The following DNER variants were observed in gnomAD, a reference collection of about 807,000 sequenced individuals.
The protein encoded by DNER is delta and Notch-like epidermal growth factor-related receptor.
DNER carries 33 observed loss-of-function variants against 78.2 expected under a neutral mutation model. The ratio of observed to expected loss-of-function variants is 0.42; its 90% CI spans 0.32 to 0.56. DNER has a LOEUF of 0.56. DNER is among the 20% of genes least tolerant of loss of function. The pLI, the probability that DNER is intolerant of heterozygous loss-of-function variation, is 0.11. For synonymous variants in DNER, 417 were observed against 384.8 expected (o/e 1.08, Z -0.98); for missense variants, 918 against 975.3 (o/e 0.94, Z 0.78).
chr2:229,438,255 C>A (rs1559351809), intron 8 of DNER, among the ~76,000 whole-genome samples: 1 of 152,204 alleles, frequency 6.6e-6, no homozygotes, highest in East Asian at 1.9e-4. Flanking sequence ...ATCCATTGAA[C>A]TATAATGAAG....
intron 11 of DNER, among the ~76,000 whole-genome samples, chr2:229,367,375 T>C (rs10184832): frequency 0.39 from 58,892 of 151,690 alleles, 12,282 homozygotes; most frequent in Non-Finnish European, 0.45. Context: ...CTGAGGCAGG[T>C]GGATCACTTG....
At chr2:229,416,592 C>A (rs1257215454) in intron 9 of DNER, among the ~76,000 whole-genome samples, 2 of 152,170 alleles carry the variant, frequency 1.3e-5, no homozygotes, top group African/African-American at 4.8e-5. Flanking sequence ...GATCAGTACA[C>A]CCCTCTGCCT....
At chr2:229,506,694 G>A (rs1462612224) in intron 6 of DNER, among the ~76,000 whole-genome samples, 8 of 78,962 alleles carry the variant, frequency 1.0e-4, no homozygotes, top group African/African-American at 3.6e-4. Context: ...CACAGGCCCC[G>A]GTGTGTGATG....
chr2:229,450,018 G>A (rs1328652822), intron 7 of DNER, among the ~76,000 whole-genome samples: 1 of 152,210 alleles, frequency 6.6e-6, no homozygotes, highest in African/African-American at 2.4e-5. Flanking sequence ...CTGACCTCGT[G>A]ATCAACCTGC....
intron 9 of DNER, among the ~76,000 whole-genome samples, chr2:229,413,078 C>T (rs1310498102): frequency 1.3e-5 from 2 of 151,832 alleles, no homozygotes; most frequent in East Asian, 3.9e-4. Flanking sequence ...TTTTCTTTAG[C>T]AGCCCAGTTT....
chr2:229,522,125 T>C (rs1179109265), intron 5 of DNER, among the ~76,000 whole-genome samples: 1 of 152,170 alleles, frequency 6.6e-6, no homozygotes, highest in African/African-American at 2.4e-5. Context: ...GCTTAAATGA[T>C]AAATTTTAAA....
intron 7 of DNER, among the ~76,000 whole-genome samples, chr2:229,460,513 G>T (rs1333241553): frequency 3.3e-5 from 5 of 151,892 alleles, no homozygotes; most frequent in Non-Finnish European, 5.9e-5. Flanking sequence ...ATATTTTCAG[G>T]AGAACTTTTT....
chr2:229,370,903 T>C (rs1692466316), intron 11 of DNER, among the ~76,000 whole-genome samples: 1 of 152,176 alleles, frequency 6.6e-6, no homozygotes, highest in African/African-American at 2.4e-5. Context: ...ACACAGTGAG[T>C]GCACAACCAC....
intron 1 of DNER, among the ~76,000 whole-genome samples, chr2:229,621,837 G>A (rs554056272): frequency 3.6e-4 from 55 of 152,316 alleles, no homozygotes; most frequent in African/African-American, 1.3e-3. Context: ...TGTAATCCCA[G>A]CACTTTGGGA....
At chr2:229,413,312 T>C (rs1465040358) in intron 9 of DNER, among the ~76,000 whole-genome samples, 8 of 113,014 alleles carry the variant, frequency 7.1e-5, no homozygotes, top group Non-Finnish European at 1.2e-4. Context: ...TCTTTTTCTT[T>C]TTCTTCTTCT....
At chr2:229,643,632 T>C (rs913199364) in intron 1 of DNER, among the ~76,000 whole-genome samples, 1 of 152,196 alleles carries the variant, frequency 6.6e-6, no homozygotes, top group Non-Finnish European at 1.5e-5. Context: ...GAGATGATGA[T>C]CATGATAGTA....
At chr2:229,378,953 A>T (rs1383718607) in intron 11 of DNER, among the ~76,000 whole-genome samples, 1 of 152,204 alleles carries the variant, frequency 6.6e-6, no homozygotes, top group Non-Finnish European at 1.5e-5. Context: ...TACTCAGGTC[A>T]TGGTTAGAAA....
intron 4 of DNER, among the ~76,000 whole-genome samples, chr2:229,575,598 A>G (rs1697282814): frequency 6.6e-6 from 1 of 152,152 alleles, no homozygotes. Flanking sequence ...CAGTCTTGGT[A>G]GGAAGAGAAA....
intron 1 of DNER, among the ~76,000 whole-genome samples, chr2:229,683,658 G>A (rs753354032): frequency 6.6e-6 from 1 of 152,166 alleles, no homozygotes; most frequent in Non-Finnish European, 1.5e-5. Flanking sequence ...TGGTGATGAT[G>A]ATGATGGTGA....
chr2:229,563,442 CCAT>C (rs1210995120), intron 4 of DNER, among the ~76,000 whole-genome samples: 2 of 145,532 alleles, frequency 1.4e-5, no homozygotes, highest in South Asian at 2.3e-4. Flanking sequence ...CACCCCATCA[CCAT>C]CATCATCTTC....
chr2:229,447,630 A>G, intron 7 of DNER, 90 bp from the exon 8 acceptor site: 1 of 1,322,768 alleles, frequency 7.6e-7, no homozygotes, highest in Non-Finnish European at 1.0e-6. Flanking sequence ...GTATATGCAT[A>G]ACAATTAATT....
rs1410480428 is a variant in DNER at position 229,459,311 on chromosome 2, TTA to T, written c.1262-11773_1262-11772del. On this transcript the variant is annotated intron_variant, in intron 7 of 12. Transcript: ENST00000341772. Reference sequence around the variant, plus strand: ...AGCTCTTATATGTTTTATACATCTCTTATATGTCTGTTATCTTATTTGTTAAA... The same window carrying T: ...AGCTCTTATATGTTTTATACATCTCTTATGTCTGTTATCTTATTTGTTAAA... 4.6e-5 allele frequency among the ~76,000 whole-genome samples: 7 copies of T among 152,262 alleles called. No individual in the cohort carries two copies. The East Asian group carries it at 1.3e-3, about 29-fold the overall frequency.
At chr2:229,454,851 C>T (rs758936506) in intron 7 of DNER, among the ~76,000 whole-genome samples, 1 of 152,072 alleles carries the variant, frequency 6.6e-6, no homozygotes, top group East Asian at 1.9e-4. Flanking sequence ...GGAGAGAATA[C>T]ACTTTTGGTA....
intron 7 of DNER, among the ~76,000 whole-genome samples, chr2:229,473,135 C>T (rs1238443311): frequency 1.3e-5 from 2 of 152,210 alleles, no homozygotes; most frequent in African/African-American, 2.4e-5. Context: ...CTGTCGAGAA[C>T]TCTATCTAGA....
Sources: gnomAD v4.1 joint callset for allele counts (sites outside exome capture counted in the v4.1 genomes callset) on GRCh38, gnomAD v4.1.1 for gene constraint, MANE v1.5 for transcripts, NCBI Gene and HGNC (gene_info 2026-07-23, HGNC 2026-07-21) for gene names.